L3MBTL4: variants seen among roughly 807,000 people sequenced by gnomAD.
L3MBTL4 encodes lethal(3)malignant brain tumor-like protein 4.
A neutral mutation model predicts 84.5 loss-of-function variants in L3MBTL4; 70 were observed. The observed-to-expected ratio is 0.83, with a 90% confidence interval of 0.68 to 1.01. The LOEUF (loss-of-function observed/expected upper bound fraction) is 1.01. Among genes scored for constraint, L3MBTL4 ranks in the 50% least tolerant of loss-of-function variants. The pLI, the probability that L3MBTL4 is intolerant of heterozygous loss-of-function variation, is 0.00. For missense variants in L3MBTL4, 715 were observed against 754.8 expected (o/e 0.95, Z 0.62); for synonymous variants, 274 against 259.8 (o/e 1.05, Z -0.52).
intron 1 of L3MBTL4, among the ~76,000 whole-genome samples, chr18:6,321,829 T>C (rs1351879234): frequency 2.0e-5 from 3 of 152,026 alleles, no homozygotes; most frequent in Non-Finnish European, 4.4e-5. Flanking sequence ...TTCTCACTTA[T>C]AAGTGGTAGC....
intron 14 of L3MBTL4, among the ~76,000 whole-genome samples, chr18:6,106,694 T>G (rs929597589): frequency 5.3e-5 from 8 of 152,220 alleles, no homozygotes; most frequent in Admixed American, 4.6e-4. Context: ...TTTAAATATT[T>G]CATACCCACA....
intron 12 of L3MBTL4, among the ~76,000 whole-genome samples, chr18:6,188,314 AT>A (rs1243741847): frequency 6.7e-6 from 1 of 150,048 alleles, no homozygotes; most frequent in Non-Finnish European, 1.5e-5. Flanking sequence ...TATATACTCT[AT>A]AATATAATTA....
chr18:6,162,514 C>A (rs1340785461), intron 13 of L3MBTL4, among the ~76,000 whole-genome samples: 1 of 152,132 alleles, frequency 6.6e-6, no homozygotes, highest in Non-Finnish European at 1.5e-5. Context: ...TTGTATAGAT[C>A]TACTTACAAA....
chr18:6,370,673 G>A (rs552530662), intron 1 of L3MBTL4, among the ~76,000 whole-genome samples: 7 of 152,280 alleles, frequency 4.6e-5, no homozygotes, highest in South Asian at 2.1e-4. Context: ...AAGGTTTGGC[G>A]GTGGTGAAGA....
intron 12 of L3MBTL4, among the ~76,000 whole-genome samples, chr18:6,182,680 A>G (rs529223538): frequency 6.6e-6 from 1 of 152,166 alleles, no homozygotes; most frequent in Non-Finnish European, 1.5e-5. Flanking sequence ...TAGATTTCAC[A>G]TTTAAGTTTT....
chr18:6,239,773 C>T lies in L3MBTL4; in HGVS notation c.652G>A (p.Val218Ile). The change falls in exon 9 of 19, where the codon GTT (valine) becomes ATT (isoleucine). Residue 218 changes from valine to isoleucine, a missense_variant. Coordinates refer to ENST00000317931, the MANE Select transcript of L3MBTL4 (RefSeq NM_001330559.2). ...AAATGCACTAGTAAGCGATCTTCAA[C>T]AATATCTGCTATGGTCGCCACACAC... Reference protein sequence around the residue: ...LVCVATIADIVEDRLLVHFDN... With the variant: ...LVCVATIADIIEDRLLVHFDN... 1.2e-6 allele frequency: 2 copies of T among 1,614,184 alleles called. No homozygotes were observed. Among genetic ancestry groups the T allele is most frequent in the Non-Finnish European group, 1.7e-6 (2 of 1,180,012 alleles).
At chr18:6,190,423 C>T (rs1011610494) in intron 12 of L3MBTL4, among the ~76,000 whole-genome samples, 2 of 152,088 alleles carry the variant, frequency 1.3e-5, no homozygotes, top group Non-Finnish European at 2.9e-5. Flanking sequence ...TGTAACTATA[C>T]GTAAATTATC....
intron 16 of L3MBTL4, among the ~76,000 whole-genome samples, chr18:5,979,693 G>T (rs2053119746): frequency 6.6e-6 from 1 of 152,118 alleles, no homozygotes; most frequent in Non-Finnish European, 1.5e-5. Flanking sequence ...TTCCTGTTTA[G>T]AAGGTGACAG....
chr18:6,123,702 G>A (rs529004986), intron 14 of L3MBTL4, among the ~76,000 whole-genome samples: 3 of 152,146 alleles, frequency 2.0e-5, no homozygotes, highest in African/African-American at 7.2e-5. Context: ...AACTAAAAAC[G>A]AAGTGAGAAA....
At chr18:6,307,192 G>C (rs2050624220) in intron 3 of L3MBTL4, among the ~76,000 whole-genome samples, 1 of 152,014 alleles carries the variant, frequency 6.6e-6, no homozygotes, top group South Asian at 2.1e-4. Context: ...CAGCACTTTG[G>C]GAGGCCGAGG....
At position 6,166,011 on chromosome 18, in the gene L3MBTL4, A is replaced by C. The variant is rs1425681008; in HGVS notation, c.1096+5817T>G. On this transcript the variant is annotated intron_variant, in intron 13 of 18. Transcript: ENST00000317931. Reference sequence around the variant, plus strand: ...ATCTACCAAGCAAATGGAAAACAAAAAAAGGCAGGGGTTGCAATCCTAGTC... The same window carrying C: ...ATCTACCAAGCAAATGGAAAACAAACAAAGGCAGGGGTTGCAATCCTAGTC... Among the ~76,000 whole-genome samples the C allele has an allele frequency of 1.3e-5, 2 of 152,216 alleles. 1 individual carries two copies. The highest frequency in any genetic ancestry group is 4.1e-4 in the South Asian group (2 of 4,832).
intron 2 of L3MBTL4, 47 bp from the exon 3 acceptor site, chr18:6,311,703 C>T: frequency 1.9e-6 from 2 of 1,060,378 alleles, no homozygotes; most frequent in South Asian, 2.6e-5. Flanking sequence ...GGTGTGACCC[C>T]TTCAGAATTA....
chr18:6,370,677 G>T (rs1004997697), intron 1 of L3MBTL4, among the ~76,000 whole-genome samples: 1 of 152,168 alleles, frequency 6.6e-6, no homozygotes, highest in East Asian at 1.9e-4. Flanking sequence ...TTTGGCGGTG[G>T]TGAAGAGTCC....
rs114139624 is a variant in L3MBTL4 at position 5,959,299 on chromosome 18, T to C, written c.1677+795A>G. On this transcript the variant is annotated intron_variant, in intron 18 of 18. Coordinates refer to ENST00000317931, the MANE Select transcript of L3MBTL4 (RefSeq NM_001330559.2). ...CTTTTCTTGCTCTGCCTCACCTTCC[T>C]GGGCCTGAGCTTCTTCATCGGTAAG... Among the ~76,000 whole-genome samples, 853 of 152,324 alleles carry C rather than the reference T, an allele frequency of 5.6e-3. 12 individuals are homozygous for C. The highest frequency in any genetic ancestry group is 0.02 in the African/African-American group (813 of 41,562).
At chr18:6,059,100 C>T (rs1202489769) in intron 16 of L3MBTL4, among the ~76,000 whole-genome samples, 1 of 152,160 alleles carries the variant, frequency 6.6e-6, no homozygotes, top group African/African-American at 2.4e-5. Flanking sequence ...GGACTGATTA[C>T]GCATCTAGTC....
chr18:6,405,359 A>G (rs2055684040), intron 1 of L3MBTL4, among the ~76,000 whole-genome samples: 1 of 152,220 alleles, frequency 6.6e-6, no homozygotes, highest in Non-Finnish European at 1.5e-5. Flanking sequence ...CCAGCTGACA[A>G]AAACAAAAGC....
chr18:6,041,281 T>A (rs992267226), intron 16 of L3MBTL4, among the ~76,000 whole-genome samples: 1 of 152,174 alleles, frequency 6.6e-6, no homozygotes, highest in African/African-American at 2.4e-5. Flanking sequence ...ACTGCCCAGG[T>A]GAGCATGCTG....
In L3MBTL4 at chr18:6,308,236, A is replaced by G. The variant is rs1231663768; in HGVS notation, c.72+3318T>C. Reference sequence around the variant, plus strand: ...TCAAGTCTGCAGCAGCACTACAGGGACCAGATCATAAACAGAGGTTTACCC... The same window carrying G: ...TCAAGTCTGCAGCAGCACTACAGGGGCCAGATCATAAACAGAGGTTTACCC... On this transcript the variant is annotated intron_variant, in intron 3 of 18. Coordinates refer to ENST00000317931, the MANE Select transcript of L3MBTL4 (RefSeq NM_001330559.2). Among the ~76,000 whole-genome samples the G allele has an allele frequency of 3.3e-5, 5 of 152,194 alleles. No homozygotes were observed. The East Asian group carries it at 7.7e-4, about 23-fold the overall frequency.
chr18:6,167,901 T>C (rs554324150), intron 13 of L3MBTL4, among the ~76,000 whole-genome samples: 5 of 152,316 alleles, frequency 3.3e-5, no homozygotes, highest in African/African-American at 1.2e-4. Flanking sequence ...TGTTTGCAGA[T>C]GACATGATTG....
Sources: allele counts gnomAD v4.1 joint callset (sites outside exome capture counted in the v4.1 genomes callset), GRCh38; gene constraint gnomAD v4.1.1; transcripts MANE v1.5; gene names NCBI Gene and HGNC (gene_info 2026-07-23, HGNC 2026-07-21).